LEMD3: variants seen among roughly 807,000 people sequenced by gnomAD.
LEMD3 encodes inner nuclear membrane protein Man1.
A neutral mutation model predicts 95.2 loss-of-function variants in LEMD3; 33 were observed. The observed-to-expected ratio is 0.35, with a 90% CI of 0.26 to 0.46. The LOEUF (loss-of-function observed/expected upper bound fraction) is 0.46. Among genes scored for constraint, LEMD3 ranks in the 20% least tolerant of loss-of-function variants. The pLI is 1.00. For synonymous variants in LEMD3, 525 were observed against 474.6 expected, an observed-to-expected ratio of 1.11 and a Z score of -1.38; for missense variants, 1,210 against 1,192.8, an observed-to-expected ratio of 1.01 and a Z score of -0.21.
chr12:65,203,079 A>G (rs964558410), intron 1 of LEMD3, among the ~76,000 whole-genome samples: 1 of 152,090 alleles, frequency 6.6e-6, no homozygotes, highest in African/African-American at 2.4e-5. Flanking sequence ...TCTTATGCTT[A>G]CTTTGGATTT....
Position 65,170,941 on chromosome 12 carries a change from C to T in LEMD3, c.1345C>T (p.Pro449Ser), listed in dbSNP as rs371748000. Residue 449 changes from proline (P) to serine (S), a missense_variant, in exon 1 of 13, where the codon CCC (proline) becomes TCC (serine). Pro to Ser is a moderately conservative substitution (Grantham distance 74). Transcript: ENST00000308330. ...NTYNKPKLSE[P>S]EEELLQQFKR... Reference sequence around the variant, plus strand: ...ATACAACAAACCGAAGCTTTCCGAACCCGAAGAGGAACTTCTCCAGCAATT... The same window carrying T: ...ATACAACAAACCGAAGCTTTCCGAATCCGAAGAGGAACTTCTCCAGCAATT... The T allele has an allele frequency of 3.1e-6, 5 of 1,614,090 alleles. No individual in the cohort carries two copies. The highest frequency in any genetic ancestry group is 4.2e-6 in the Non-Finnish European group (5 of 1,180,056).
intron 4 of LEMD3, among the ~76,000 whole-genome samples, chr12:65,231,089 T>C (rs1870612357): frequency 6.6e-6 from 1 of 152,218 alleles, no homozygotes; most frequent in African/African-American, 2.4e-5. Flanking sequence ...TTTTATAAGA[T>C]TATGGATTAA....
chr12:65,213,655 A>AAATTAACC (rs1166525356), intron 2 of LEMD3, among the ~76,000 whole-genome samples: 9 of 152,188 alleles, frequency 5.9e-5, no homozygotes, highest in Non-Finnish European at 1.3e-4. Flanking sequence ...CCATCTGGTT[A>AAATTAACC]AGTGTTGTTA....
Position 65,192,103 on chromosome 12 carries a change from CT to C in LEMD3, c.1523-18821del, listed in dbSNP as rs1465398634. 2.0e-3 allele frequency among the ~76,000 whole-genome samples: 293 copies of C among 145,096 alleles called. 2 individuals are homozygous for C. Among genetic ancestry groups the C allele is most frequent in the African/African-American group, 7.0e-3 (273 of 38,848 alleles). ...ACAAATATAGAAAGTTACACAGTTG[CT>C]TAAAAAAAAAAAAAAGCACCTTAGC... On this transcript the variant is annotated intron_variant, in intron 1 of 12. Transcript: ENST00000308330.
Position 65,248,150 on chromosome 12 carries a change from A to G in LEMD3, c.*1825A>G, listed in dbSNP as rs748869118. 1.8e-4 allele frequency: 27 copies of G among 152,532 alleles called. No individual in the cohort carries two copies. Among genetic ancestry groups the G allele is most frequent in the Admixed American group, 6.6e-5 (1 of 15,260 alleles). The allele number at this position is 152,532 out of a possible 1,614,324, so 9.4% of individuals were successfully genotyped here. On this transcript the variant is annotated 3_prime_UTR_variant, in exon 13 of 13. Coordinates refer to ENST00000308330, the MANE Select transcript of LEMD3 (RefSeq NM_014319.5). ...CATTGTACATTTATTATTGTAATAT[A>G]TACTATTATGCAGCTTATTTTACCT...
At chr12:65,228,209 A>G (rs1179613194) in intron 4 of LEMD3, among the ~76,000 whole-genome samples, 1 of 152,120 alleles carries the variant, frequency 6.6e-6, no homozygotes, top group Non-Finnish European at 1.5e-5. Context: ...GGGTTGGGGT[A>G]AGTCAAAGTC....
At chr12:65,213,785 G>A (rs1237400636) in intron 2 of LEMD3, among the ~76,000 whole-genome samples, 1 of 152,034 alleles carries the variant, frequency 6.6e-6, no homozygotes, top group Non-Finnish European at 1.5e-5. Context: ...TTCAAATTTT[G>A]TTTTGTTTTT....
chr12:65,224,311 T>C (rs1258489202), intron 4 of LEMD3, among the ~76,000 whole-genome samples: 1 of 152,200 alleles, frequency 6.6e-6, no homozygotes, highest in East Asian at 1.9e-4. Flanking sequence ...CTCCCTTGGC[T>C]TTTATTCTGA....
At chr12:65,194,561 C>A (rs1281764920) in intron 1 of LEMD3, among the ~76,000 whole-genome samples, 1 of 151,790 alleles carries the variant, frequency 6.6e-6, no homozygotes, top group African/African-American at 2.4e-5. Flanking sequence ...CTGGATGGGG[C>A]TGTTGGTGGT....
intron 2 of LEMD3, among the ~76,000 whole-genome samples, chr12:65,213,205 C>T (rs984919725): frequency 3.3e-5 from 5 of 152,000 alleles, no homozygotes; most frequent in Admixed American, 2.6e-4. Flanking sequence ...AGTATATAGA[C>T]GGTCATTTAA....
At chr12:65,191,409 C>T (rs1021764168) in intron 1 of LEMD3, among the ~76,000 whole-genome samples, 2 of 152,028 alleles carry the variant, frequency 1.3e-5, no homozygotes, top group African/African-American at 4.8e-5. Context: ...CAGGACATAT[C>T]AGATTTGTAG....
chr12:65,219,345 G>T (rs1374715651), intron 4 of LEMD3, among the ~76,000 whole-genome samples: 4 of 152,214 alleles, frequency 2.6e-5, no homozygotes, highest in Non-Finnish European at 4.4e-5. Context: ...GGTAGTAAAA[G>T]ATTAAAGATG....
chr12:65,212,142 C>T (rs1366341070), intron 2 of LEMD3, among the ~76,000 whole-genome samples: 1 of 152,030 alleles, frequency 6.6e-6, no homozygotes, highest in African/African-American at 2.4e-5. Flanking sequence ...AGGGCAACTC[C>T]ACTTTATAAA....
intron 4 of LEMD3, among the ~76,000 whole-genome samples, chr12:65,226,900 G>C (rs1870464435): frequency 1.3e-5 from 2 of 152,198 alleles, no homozygotes; most frequent in South Asian, 4.1e-4. Context: ...ACTCTAGCGA[G>C]TAATCTCTAA....
At chr12:65,205,991 A>G (rs555736150) in intron 1 of LEMD3, among the ~76,000 whole-genome samples, 82 of 152,262 alleles carry the variant, frequency 5.4e-4, no homozygotes, top group African/African-American at 1.9e-3. Context: ...CTTTCAGAAA[A>G]CAAATGGGCA....
chr12:65,195,933 G>A (rs1463771764), intron 1 of LEMD3, among the ~76,000 whole-genome samples: 1 of 152,098 alleles, frequency 6.6e-6, no homozygotes, highest in Non-Finnish European at 1.5e-5. Flanking sequence ...TTGGCTAGAA[G>A]GATCAAGAAG....
At chr12:65,237,864 A>G (rs1870816371) in intron 4 of LEMD3, among the ~76,000 whole-genome samples, 1 of 152,252 alleles carries the variant, frequency 6.6e-6, no homozygotes, top group Non-Finnish European at 1.5e-5. Flanking sequence ...TGTCTGTGAA[A>G]CATCCAAATC....
intron 4 of LEMD3, among the ~76,000 whole-genome samples, chr12:65,232,185 T>C (rs572595577): frequency 7.3e-4 from 111 of 152,308 alleles, no homozygotes; most frequent in African/African-American, 2.5e-3. Context: ...TGTTATTTTA[T>C]CCATATTCTG....
chr12:65,239,253 T>TCTTTAAAAATAATTCATTTTGGCCAG (rs1466996398), intron 6 of LEMD3, among the ~76,000 whole-genome samples: 4 of 152,156 alleles, frequency 2.6e-5, no homozygotes, highest in Non-Finnish European at 5.9e-5. Flanking sequence ...CTTTCTTTCT[T>TCTTTAAAAATAATTCATTTTGGCCAG]CTTTAAAAAT....
Sources: gnomAD v4.1 joint callset for allele counts (sites outside exome capture counted in the v4.1 genomes callset) on GRCh38, gnomAD v4.1.1 for gene constraint, MANE v1.5 for transcripts, NCBI Gene and HGNC (gene_info 2026-07-23, HGNC 2026-07-21) for gene names.